NEGR1: variants seen among roughly 807,000 people sequenced by gnomAD.
NEGR1 encodes neuronal growth regulator 1.
Under a neutral mutation model 40.9 loss-of-function variants are expected in NEGR1, and 10 were observed. The observed-to-expected ratio is 0.24, with a 90% CI of 0.15 to 0.42. The LOEUF is 0.42. Ranked by LOEUF, NEGR1 falls within the 10% of genes least tolerant of loss-of-function variation. The probability of loss-of-function intolerance (pLI) is 1.00; values close to 1 mark genes in which losing one functional copy is unlikely to be tolerated. For missense variants in NEGR1, 352 were observed against 438.9 expected, an observed-to-expected ratio of 0.80 and a Z score of 1.77; for synonymous variants, 185 against 166.8, an observed-to-expected ratio of 1.11 and a Z score of -0.84.
intron 2 of NEGR1, among the ~76,000 whole-genome samples, chr1:71,914,832 T>C (rs2101876575): frequency 6.6e-6 from 1 of 152,284 alleles, no homozygotes; most frequent in East Asian, 1.9e-4. Flanking sequence ...GAAACAATGT[T>C]GTTTCCCTTT....
At chr1:71,875,274 G>T (rs1191428987) in intron 2 of NEGR1, among the ~76,000 whole-genome samples, 1 of 152,060 alleles carries the variant, frequency 6.6e-6, no homozygotes, top group Non-Finnish European at 1.5e-5. Flanking sequence ...AATAAATCCT[G>T]GGCCCAATTT....
At chr1:71,902,072 C>A (rs982037902) in intron 2 of NEGR1, among the ~76,000 whole-genome samples, 3 of 152,114 alleles carry the variant, frequency 2.0e-5, no homozygotes, top group African/African-American at 7.2e-5. Context: ...CATAAATATT[C>A]ACTTATTAAT....
chr1:71,945,670 T>A (rs1424105582), intron 1 of NEGR1, among the ~76,000 whole-genome samples: 2 of 152,112 alleles, frequency 1.3e-5, no homozygotes, highest in Non-Finnish European at 2.9e-5. Flanking sequence ...GGTGTTATAT[T>A]TTAAAAAGTT....
intron 6 of NEGR1, among the ~76,000 whole-genome samples, chr1:71,527,958 A>C (rs1006401408): frequency 6.6e-6 from 1 of 151,320 alleles, no homozygotes; most frequent in African/African-American, 2.4e-5. Context: ...AAATGATGAA[A>C]GTTAGACACA....
At chr1:71,620,956 G>A (rs1183214286) in intron 4 of NEGR1, among the ~76,000 whole-genome samples, 2 of 151,862 alleles carry the variant, frequency 1.3e-5, no homozygotes, top group African/African-American at 4.8e-5. Flanking sequence ...GGTGTATGGA[G>A]AAAATAAAAT....
intron 1 of NEGR1, among the ~76,000 whole-genome samples, chr1:72,051,089 T>A (rs1037467931): frequency 6.6e-5 from 10 of 151,526 alleles, no homozygotes; most frequent in Non-Finnish European, 1.2e-4. Flanking sequence ...TTGCCTTTGC[T>A]TGTTATGTTC....
chr1:72,045,631 C>A (rs1439900025), intron 1 of NEGR1, among the ~76,000 whole-genome samples: 1 of 151,790 alleles, frequency 6.6e-6, no homozygotes, highest in Non-Finnish European at 1.5e-5. Flanking sequence ...GATTGTGAGA[C>A]CTCCTCAGCC....
At chr1:71,740,396 G>T (rs1384628673) in intron 3 of NEGR1, among the ~76,000 whole-genome samples, 1 of 152,074 alleles carries the variant, frequency 6.6e-6, no homozygotes, top group African/African-American at 2.4e-5. Flanking sequence ...ATATAAATAT[G>T]ATCAAAGAGA....
intron 4 of NEGR1, among the ~76,000 whole-genome samples, chr1:71,617,545 T>C (rs1035992801): frequency 6.6e-6 from 1 of 152,220 alleles, no homozygotes; most frequent in African/African-American, 2.4e-5. Context: ...TATTTTGTGT[T>C]GGTATATGCA....
chr1:71,678,194 G>C (rs1362238722), intron 4 of NEGR1, among the ~76,000 whole-genome samples: 1 of 152,212 alleles, frequency 6.6e-6, no homozygotes, highest in East Asian at 1.9e-4. Context: ...AGGAAAGATA[G>C]GAAGCTCATT....
intron 1 of NEGR1, among the ~76,000 whole-genome samples, chr1:72,196,760 A>AT (rs1225577494): frequency 4.6e-5 from 6 of 131,166 alleles, no homozygotes; most frequent in Non-Finnish European, 8.1e-5. Flanking sequence ...GAGAGACTCC[A>AT]TTAAAAAAAA....
At chr1:72,194,591 T>C (rs1025560205) in intron 1 of NEGR1, among the ~76,000 whole-genome samples, 1 of 152,020 alleles carries the variant, frequency 6.6e-6, no homozygotes, top group East Asian at 1.9e-4. Flanking sequence ...AGGAAGCTCC[T>C]TAACCTCACA....
intron 1 of NEGR1, among the ~76,000 whole-genome samples, chr1:72,045,402 T>C (rs1646991946): frequency 6.6e-6 from 1 of 151,772 alleles, no homozygotes; most frequent in African/African-American, 2.4e-5. Flanking sequence ...CCACCCAAAC[T>C]TCATCTTGTA....
chr1:71,455,036 T>C (rs767675620), intron 6 of NEGR1, among the ~76,000 whole-genome samples: 4 of 152,070 alleles, frequency 2.6e-5, no homozygotes, highest in Non-Finnish European at 4.4e-5. Context: ...AGTAGGAGTA[T>C]CTACAAAGGA....
At chr1:72,016,864 T>C (rs1404128685) in intron 1 of NEGR1, among the ~76,000 whole-genome samples, 2 of 152,230 alleles carry the variant, frequency 1.3e-5, no homozygotes, top group African/African-American at 2.4e-5. Flanking sequence ...GATCATTTTG[T>C]ATTATACCTG....
chr1:72,017,036 T>A (rs1018529230), intron 1 of NEGR1, among the ~76,000 whole-genome samples: 1 of 152,140 alleles, frequency 6.6e-6, no homozygotes, highest in Non-Finnish European at 1.5e-5. Context: ...TTTGATAAAA[T>A]ATATGTATTG....
chr1:71,434,426 C>G (rs916267507), intron 6 of NEGR1, among the ~76,000 whole-genome samples: 1 of 148,996 alleles, frequency 6.7e-6, no homozygotes, highest in African/African-American at 2.6e-5. Context: ...GTAGCCACTT[C>G]CTGTTGCTAT....
At chr1:72,013,963 TAA>T (rs1161156816) in intron 1 of NEGR1, among the ~76,000 whole-genome samples, 1 of 88,494 alleles carries the variant, frequency 1.1e-5, no homozygotes, top group Non-Finnish European at 2.3e-5. Flanking sequence ...CTGTGAAAAA[TAA>T]AAAAAAAAAA....
chr1:72,273,389 C>A (rs1312102585), intron 1 of NEGR1, among the ~76,000 whole-genome samples: 1 of 151,890 alleles, frequency 6.6e-6, no homozygotes, highest in Admixed American at 6.6e-5. Flanking sequence ...TCACAATAGA[C>A]ATTTTGCTAT....
Sources: gnomAD v4.1 joint callset for allele counts (sites outside exome capture counted in the v4.1 genomes callset) on GRCh38, gnomAD v4.1.1 for gene constraint, MANE v1.5 for transcripts, NCBI Gene and HGNC (gene_info 2026-07-23, HGNC 2026-07-21) for gene names.